PLXNA4: variants seen among roughly 807,000 people sequenced by gnomAD.
PLXNA4 encodes the protein plexin-A4.
A neutral mutation model predicts 191.8 loss-of-function variants in PLXNA4; 44 were observed. That is an observed-to-expected ratio of 0.23 (90% CI 0.18 to 0.29). The LOEUF (loss-of-function observed/expected upper bound fraction) is 0.29. Among genes scored for constraint, PLXNA4 ranks in the 10% least tolerant of loss-of-function variants. The pLI is 1.00. For synonymous variants in PLXNA4, 1,082 were observed against 1,009.5 expected, an observed-to-expected ratio of 1.07 and a Z score of -1.36; for missense variants, 1,800 against 2,488.8, an observed-to-expected ratio of 0.72 and a Z score of 5.89.
chr7:132,323,049 T>G (rs994851160), intron 3 of PLXNA4, among the ~76,000 whole-genome samples: 1 of 152,174 alleles, frequency 6.6e-6, no homozygotes, highest in African/African-American at 2.4e-5. Context: ...TGAAATACAC[T>G]GGGTGACATA....
At chr7:132,215,088 C>CA (rs1433516093) in intron 9 of PLXNA4, among the ~76,000 whole-genome samples, 6 of 152,128 alleles carry the variant, frequency 3.9e-5, no homozygotes, top group African/African-American at 1.4e-4. Context: ...TAATTTTCTG[C>CA]AAATACCCCA....
chr7:132,583,993 G>A (rs1031420894), intron 2 of PLXNA4, among the ~76,000 whole-genome samples: 4 of 152,216 alleles, frequency 2.6e-5, no homozygotes, highest in African/African-American at 7.2e-5. Context: ...TTTGCACTAT[G>A]GGAATAGGCA....
intron 3 of PLXNA4, among the ~76,000 whole-genome samples, chr7:132,300,829 C>G (rs1801278511): frequency 6.6e-6 from 1 of 152,258 alleles, no homozygotes; most frequent in African/African-American, 2.4e-5. Context: ...AGAGCAGGGT[C>G]CCCAGGGGAG....
intron 2 of PLXNA4, among the ~76,000 whole-genome samples, chr7:132,495,258 A>T (rs892045879): frequency 1.3e-5 from 2 of 152,112 alleles, no homozygotes; most frequent in Non-Finnish European, 2.9e-5. Flanking sequence ...AGTCCTTATT[A>T]CAGAAAGGTC....
At chr7:132,578,888 CT>C (rs1337243638), upstream of PLXNA4, among the ~76,000 whole-genome samples, 1 of 152,192 alleles carries the variant, frequency 6.6e-6, no homozygotes, top group African/African-American at 2.4e-5. Flanking sequence ...ATCCCAGACT[CT>C]AGATAAAGCA....
chr7:132,391,485 C>G (rs759454898), intron 3 of PLXNA4, among the ~76,000 whole-genome samples: 28 of 152,174 alleles, frequency 1.8e-4, no homozygotes, highest in Non-Finnish European at 3.4e-4. Context: ...TGGGGCTAGC[C>G]AAAGTAAAGC....
intron 3 of PLXNA4, among the ~76,000 whole-genome samples, chr7:132,351,470 C>T (rs1803482217): frequency 1.3e-5 from 2 of 152,194 alleles, no homozygotes; most frequent in South Asian, 2.1e-4. Flanking sequence ...TGGCTGGCCA[C>T]CCCGTCATCT....
intron 2 of PLXNA4, among the ~76,000 whole-genome samples, chr7:132,615,308 G>T (rs1308951481): frequency 6.6e-6 from 1 of 152,160 alleles, no homozygotes; most frequent in Admixed American, 6.5e-5. Flanking sequence ...AGGGAGCAGG[G>T]CCCTAAGGGA....
At chr7:132,569,620 T>G (rs754069) in intron 1 of PLXNA4, among the ~76,000 whole-genome samples, 2 of 152,242 alleles carry the variant, frequency 1.3e-5, no homozygotes, top group African/African-American at 2.4e-5. Flanking sequence ...AAAATGATTT[T>G]TCCCAAAATG....
chr7:132,130,419 A>T lies in PLXNA4; in HGVS notation c.*60T>A, dbSNP rs1794892600. The T allele has an allele frequency of 1.2e-6, 2 of 1,612,456 alleles. No individual in the cohort carries two copies. The highest frequency in any genetic ancestry group is 1.7e-5 in the Admixed American group (1 of 59,946). On this transcript the variant is annotated 3_prime_UTR_variant, in exon 32 of 32. Transcript: ENST00000321063. ...GAACTTGCACTTGGTAAAGATGATA[A>T]TCTAGACTGAGGCACGGCTTGGTGT...
chr7:132,139,038 C>T (rs1031403549), intron 30 of PLXNA4, among the ~76,000 whole-genome samples: 1 of 152,198 alleles, frequency 6.6e-6, no homozygotes, highest in Non-Finnish European at 1.5e-5. Flanking sequence ...GGAGGGCCTG[C>T]TCCTGGCAGC....
intron 4 of PLXNA4, among the ~76,000 whole-genome samples, chr7:132,268,149 A>C (rs1367648793): frequency 6.6e-6 from 1 of 152,220 alleles, no homozygotes; most frequent in East Asian, 1.9e-4. Flanking sequence ...TGAACTTGCC[A>C]GCCTCTAGTG....
chr7:132,625,692 A>G (rs1803356876), intron 2 of PLXNA4, among the ~76,000 whole-genome samples: 2 of 152,224 alleles, frequency 1.3e-5, no homozygotes, highest in South Asian at 2.1e-4. Context: ...GTAAAGGAGT[A>G]AAATAATTTT....
chr7:132,288,795 G>T (rs762099898), intron 4 of PLXNA4, among the ~76,000 whole-genome samples: 4 of 152,172 alleles, frequency 2.6e-5, no homozygotes, highest in African/African-American at 7.2e-5. Flanking sequence ...TTTCACAGGA[G>T]CCCAGCACCT....
At chr7:132,436,480 G>A (rs1418680418) in intron 3 of PLXNA4, among the ~76,000 whole-genome samples, 1 of 152,208 alleles carries the variant, frequency 6.6e-6, no homozygotes. Context: ...GCCAGCTTAG[G>A]AATTCCCTTC....
intron 3 of PLXNA4, among the ~76,000 whole-genome samples, chr7:132,332,679 T>C (rs1802637856): frequency 6.6e-6 from 1 of 150,888 alleles, no homozygotes; most frequent in African/African-American, 2.4e-5. Flanking sequence ...TGAGACCCCA[T>C]TTCTAAAAAA....
At chr7:132,384,195 T>C in intron 3 of PLXNA4, 1 of 985,466 alleles carries the variant, frequency 1.0e-6, no homozygotes, top group Non-Finnish European at 1.2e-6. Context: ...CACTGTTGTG[T>C]ATCCTCCAGG....
chr7:132,597,000 T>G (rs917222715), intron 2 of PLXNA4, among the ~76,000 whole-genome samples: 6 of 152,206 alleles, frequency 3.9e-5, no homozygotes, highest in African/African-American at 1.4e-4. Flanking sequence ...AGTACGATTG[T>G]GCAGAGCTTT....
intron 12 of PLXNA4, 86 bp from the exon 13 acceptor site, chr7:132,198,722 T>C: frequency 1.3e-6 from 2 of 1,550,004 alleles, no homozygotes; most frequent in South Asian, 2.5e-5. Context: ...TGCTGGCTCT[T>C]GTCTCATCTG....
Sources: allele counts gnomAD v4.1 joint callset (sites outside exome capture counted in the v4.1 genomes callset), GRCh38; gene constraint gnomAD v4.1.1; transcripts MANE v1.5; gene names NCBI Gene and HGNC (gene_info 2026-07-23, HGNC 2026-07-21).